Variants in CUL1 observed in about 807,000 individuals in gnomAD.
CUL1 encodes the protein cullin 1.
A neutral mutation model predicts 118.0 loss-of-function variants in CUL1; 24 were observed. The ratio of observed to expected loss-of-function variants is 0.20; its 90% CI spans 0.15 to 0.29. The LOEUF (loss-of-function observed/expected upper bound fraction) is 0.29, where lower values mean the gene tolerates loss of function less well. Ranked by LOEUF, CUL1 falls within the 10% of genes least tolerant of loss-of-function variation. The pLI, the probability that CUL1 is intolerant of heterozygous loss-of-function variation, is 1.00. For missense variants in CUL1, 361 were observed against 933.8 expected (o/e 0.39, Z 7.99); for synonymous variants, 332 against 340.4 (o/e 0.98, Z 0.27).
intron 17 of CUL1, among the ~76,000 whole-genome samples, chr7:148,796,515 T>C (rs1280186922): frequency 6.6e-6 from 1 of 152,222 alleles, no homozygotes; most frequent in Non-Finnish European, 1.5e-5. Context: ...TTTGTAATCA[T>C]TCTTCGAATT....
intron 9 of CUL1, among the ~76,000 whole-genome samples, chr7:148,782,677 G>A (rs1036917440): frequency 6.6e-6 from 1 of 152,094 alleles, no homozygotes; most frequent in Non-Finnish European, 1.5e-5. Flanking sequence ...ACTCTTAAGT[G>A]TAACCCTGTT....
chr7:148,779,782 T>C (rs2129462130), intron 9 of CUL1, among the ~76,000 whole-genome samples: 1 of 152,318 alleles, frequency 6.6e-6, no homozygotes, highest in East Asian at 1.9e-4. Context: ...GGATGCAAAG[T>C]ATTGATCCTG....
At chr7:148,760,665 A>G (rs1350662083) in intron 7 of CUL1, among the ~76,000 whole-genome samples, 169 bp downstream of exon 7, 1 of 152,204 alleles carries the variant, frequency 6.6e-6, no homozygotes, top group African/African-American at 2.4e-5. Context: ...AGGAGCTTCT[A>G]TAAATTAATT....
Position 148,762,706 on chromosome 7 carries a change from C to T in CUL1, c.789+2210C>T, listed in dbSNP as rs979813220. On this transcript the variant is annotated intron_variant, in intron 7 of 21. Transcript: ENST00000325222. ...CAGATGCACATCCACGACAGTGGCG[C>T]GAGCCTGTTCTTTTTATGGGTTTAT... Among the ~76,000 whole-genome samples the T allele has an allele frequency of 3.9e-5, 6 of 152,138 alleles. No individual in the cohort carries two copies. The East Asian group carries it at 7.7e-4, about 20-fold the overall frequency.
intron 1 of CUL1, among the ~76,000 whole-genome samples, chr7:148,728,517 C>T (rs1253666247): frequency 6.6e-6 from 1 of 152,096 alleles, no homozygotes; most frequent in Non-Finnish European, 1.5e-5. Context: ...TTAACCCTCC[C>T]CAAGTAGATG....
At chr7:148,776,147 T>C (rs1404949049) in intron 9 of CUL1, among the ~76,000 whole-genome samples, 3 of 143,590 alleles carry the variant, frequency 2.1e-5, no homozygotes, top group Admixed American at 7.4e-5. Context: ...CTACCGAGTG[T>C]TACTTTCAGA....
chr7:148,729,513 T>C (rs1798687449), intron 1 of CUL1, among the ~76,000 whole-genome samples: 1 of 152,214 alleles, frequency 6.6e-6, no homozygotes, highest in Non-Finnish European at 1.5e-5. Flanking sequence ...ATTTGCATTC[T>C]TGCTGAGTTC....
chr7:148,795,769 C>CAAAAAAAAAA (rs915978562), intron 17 of CUL1, among the ~76,000 whole-genome samples: 1 of 56,072 alleles, frequency 1.8e-5, no homozygotes, highest in Non-Finnish European at 3.7e-5. Flanking sequence ...GACTCTGTCT[C>CAAAAAAAAAA]AAAAAAAAAA....
chr7:148,751,982 C>T (rs1358230680), intron 2 of CUL1, among the ~76,000 whole-genome samples: 2 of 152,150 alleles, frequency 1.3e-5, no homozygotes, highest in South Asian at 2.1e-4. Context: ...GGCGTGGTGG[C>T]GCCTGCCTGT....
intron 1 of CUL1, among the ~76,000 whole-genome samples, chr7:148,704,156 GC>G (rs111577198): frequency 0.015 from 2,101 of 136,028 alleles, 36 homozygotes; most frequent in African/African-American, 0.031. Flanking sequence ...AACAAAAGCG[GC>G]CCCCCCCCAC....
At position 148,792,783 on chromosome 7, in the gene CUL1, G is replaced by A; in HGVS notation, c.1864G>A (p.Val622Met). 6.2e-7 allele frequency: 1 copy of A among 1,613,230 alleles called. No homozygotes were observed. The highest frequency in any genetic ancestry group is 1.6e-4 in the Middle Eastern group (1 of 6,062). Residue 622 changes from valine to methionine, a missense_variant, in exon 17 of 22, where the codon GTG becomes ATG. Physicochemically the swap from Val to Met is conservative, Grantham distance 21. Around this residue, in one of 7 missense-constraint regions of CUL1, gnomAD observed 84 missense variants for 203.3 expected, o/e 0.41. Transcript: ENST00000325222. ...LQYNTEDAYTVQQLTDSTQIK... is the reference protein window; with the variant it reads ...LQYNTEDAYTMQQLTDSTQIK... Reference sequence around the variant, plus strand: ...GTACAACACGGAAGATGCCTACACTGTGCAGCAGCTGACCGACAGCACTCA... The same window carrying A: ...GTACAACACGGAAGATGCCTACACTATGCAGCAGCTGACCGACAGCACTCA...
chr7:148,719,642 A>G lies in CUL1; in HGVS notation c.-161-10320A>G, dbSNP rs886174595. On this transcript the variant is annotated intron_variant, in intron 1 of 21. Transcript: ENST00000325222. Reference sequence around the variant, plus strand: ...AAGAATTTTCTTGATTAAAAACTGTAGAATAATACAACATTCAAATAGTAA... The same window carrying G: ...AAGAATTTTCTTGATTAAAAACTGTGGAATAATACAACATTCAAATAGTAA... 2.0e-5 allele frequency among the ~76,000 whole-genome samples: 3 copies of G among 152,360 alleles called. No homozygotes were observed. In the East Asian group the frequency reaches 5.8e-4, roughly 29 times the overall value.
At chr7:148,785,264 G>A (rs927635942) in intron 11 of CUL1, among the ~76,000 whole-genome samples, 38 of 152,080 alleles carry the variant, frequency 2.5e-4, no homozygotes, top group African/African-American at 7.5e-4. Context: ...TAAATTGGAA[G>A]GCCTCTGATG....
At chr7:148,702,416 C>G (rs1271792361) in intron 1 of CUL1, among the ~76,000 whole-genome samples, 3 of 152,158 alleles carry the variant, frequency 2.0e-5, no homozygotes, top group Non-Finnish European at 2.9e-5. Context: ...TTAATTGACA[C>G]TGTTGATTTC....
At chr7:148,749,942 T>C (rs563349077) in intron 2 of CUL1, among the ~76,000 whole-genome samples, 2 of 152,240 alleles carry the variant, frequency 1.3e-5, no homozygotes, top group Non-Finnish European at 2.9e-5. Context: ...ACAGCCATAT[T>C]GCTGGTAAGG....
At position 148,698,945 on chromosome 7, in the gene CUL1, G is replaced by A. The variant is rs1797615319; in HGVS notation, c.-246G>A. The A allele has an allele frequency of 1.3e-5, 2 of 153,780 alleles. No homozygotes were observed. Among genetic ancestry groups the A allele is most frequent in the Admixed American group, 1.3e-4 (2 of 15,294 alleles). 9.5% of individuals were successfully genotyped at this position (153,780 alleles called of 1,614,324 possible). On this transcript the variant is annotated 5_prime_UTR_variant, in exon 1 of 22. Coordinates refer to ENST00000325222, the MANE Select transcript of CUL1 (RefSeq NM_003592.3). ...TAGCTGAGGGACGCAGCTAGACCTT[G>A]GCGGGACGGGGCTTTCGCCGGGGCC...
chr7:148,786,930 T>C, intron 12 of CUL1, 59 bp from the exon 13 acceptor site: 1 of 1,582,188 alleles, frequency 6.3e-7, no homozygotes, highest in Non-Finnish European at 8.6e-7. Flanking sequence ...GACAGTCAGC[T>C]CTGCACTGTT....
intron 1 of CUL1, among the ~76,000 whole-genome samples, chr7:148,728,296 T>C (rs758083920): frequency 4.6e-5 from 7 of 152,030 alleles, no homozygotes; most frequent in Admixed American, 2.0e-4. Flanking sequence ...ATAGAAATTA[T>C]AAGAGAAGGA....
chr7:148,716,226 A>G (rs1798210607), intron 1 of CUL1, among the ~76,000 whole-genome samples: 1 of 152,170 alleles, frequency 6.6e-6, no homozygotes, highest in African/African-American at 2.4e-5. Flanking sequence ...TGAGAATTCC[A>G]CATGCTAACA....
Sources: gnomAD v4.1 joint callset for allele counts (sites outside exome capture counted in the v4.1 genomes callset) on GRCh38, gnomAD v4.1.1 for gene constraint, gnomAD v4.1.1 regional missense constraint, MANE v1.5 for transcripts, NCBI Gene and HGNC (gene_info 2026-07-23, HGNC 2026-07-21) for gene names.